Variants in ARHGEF18 observed in about 807,000 individuals in gnomAD.
The protein encoded by ARHGEF18 is rho guanine nucleotide exchange factor 18.
In ARHGEF18, 93 loss-of-function variants were observed where a neutral mutation model predicts 155.7. That is an observed-to-expected ratio of 0.60 (90% CI 0.50 to 0.71). The LOEUF (loss-of-function observed/expected upper bound fraction) is 0.71, where lower values mean the gene tolerates loss of function less well. Among genes scored for constraint, ARHGEF18 ranks in the 30% least tolerant of loss-of-function variants. The probability of loss-of-function intolerance (pLI) is 0.00; values close to 1 mark genes in which losing one functional copy is unlikely to be tolerated. For synonymous variants in ARHGEF18, 742 were observed against 753.1 expected, an observed-to-expected ratio of 0.99 and a Z score of 0.24; for missense variants, 1,593 against 1,816.1, an observed-to-expected ratio of 0.88 and a Z score of 2.23.
chr19:7,412,037 TTTTC>T (rs1413752880), intron 10 of ARHGEF18, among the ~76,000 whole-genome samples: 1 of 34,994 alleles, frequency 2.9e-5, no homozygotes, highest in Non-Finnish European at 8.2e-5. Context: ...TTTGTTTGGT[TTTTC>T]TTTTTTTTTT....
chr19:7,443,727 GA>G (rs35089192), intron 13 of ARHGEF18, among the ~76,000 whole-genome samples: 28,687 of 152,014 alleles, frequency 0.19, 3,021 homozygotes, highest in Non-Finnish European at 0.23. Flanking sequence ...GTGTTCCTCA[GA>G]ACACTCTTCT....
Position 7,447,320 on chromosome 19 carries a change from C to A in ARHGEF18, c.1737+152C>A, listed in dbSNP as rs373751362. ...CCTGGCCAACATGGTGAAACCCCGT[C>A]TCTATTAAAATACAAAAAATTAGCC... On this transcript the variant is annotated intron_variant, in intron 15 of 28. Transcript: ENST00000668164. 245 of 648,158 alleles carry A rather than the reference C, an allele frequency of 3.8e-4. 3 individuals are homozygous for A. Among genetic ancestry groups the A allele is most frequent in the East Asian group, 3.6e-3 (98 of 27,168 alleles). The allele number at this position is 648,158 out of a possible 1,614,324, so 40.2% of individuals were successfully genotyped here.
At chr19:7,382,329 A>G (rs1164282152) in intron 8 of ARHGEF18, among the ~76,000 whole-genome samples, 2 of 151,916 alleles carry the variant, frequency 1.3e-5, no homozygotes, top group African/African-American at 2.4e-5. Context: ...CTGGAGGCAG[A>G]GGCTGCAGTG....
intron 16 of ARHGEF18, 88 bp downstream of exon 16, chr19:7,451,354 C>G (rs1975452530): frequency 1.9e-6 from 2 of 1,073,734 alleles, no homozygotes; most frequent in Non-Finnish European, 2.7e-6. Flanking sequence ...GAGCAGCAAA[C>G]TGAATAAATT....
rs1404733609 is a variant in ARHGEF18 at position 7,470,918 on chromosome 19, C to T, written c.*620C>T. 5 of 400,952 alleles carry T rather than the reference C, an allele frequency of 1.2e-5. No individual in the cohort carries two copies. The highest frequency in any genetic ancestry group is 1.8e-5 in the Non-Finnish European group (4 of 226,176). The allele number at this position is 400,952 out of a possible 1,614,324, so 24.8% of individuals were successfully genotyped here. A position where few individuals can be genotyped will look rare whatever the true frequency, so the allele number is the denominator to read the frequency against. ...GGCATGGGCAGAGAGGGCCACGGGG[C>T]AGGGCCCACTGAGGGAACATCAGTG... On this transcript the variant is annotated 3_prime_UTR_variant, in exon 29 of 29. Coordinates refer to ENST00000668164, the MANE Select transcript of ARHGEF18 (RefSeq NM_001367823.1). The surrounding 1 kb of genome is among the most constrained non-coding windows in gnomAD (Gnocchi z 5.9).
At chr19:7,442,958 C>T (rs1974759523) in intron 13 of ARHGEF18, among the ~76,000 whole-genome samples, 1 of 151,978 alleles carries the variant, frequency 6.6e-6, no homozygotes, top group South Asian at 2.1e-4. Flanking sequence ...GATGCAGTCT[C>T]AGCTCCCTGC....
intron 19 of ARHGEF18, among the ~76,000 whole-genome samples, chr19:7,459,044 CTTTATTT>C (rs1235283065): frequency 6.6e-6 from 1 of 152,124 alleles, no homozygotes; most frequent in African/African-American, 2.4e-5. Context: ...CCCTCCCTCT[CTTTATTT>C]TTTATTTTTT....
chr19:7,356,271 C>CTT (rs111791378), intron 1 of ARHGEF18, among the ~76,000 whole-genome samples: 6 of 139,974 alleles, frequency 4.3e-5, no homozygotes, highest in Non-Finnish European at 7.8e-5. Flanking sequence ...GACACTTTTT[C>CTT]TTTTTTTTTT....
In ARHGEF18 at chr19:7,467,183, C is replaced by T. The variant is rs1395910399; in HGVS notation, c.3010-31C>T. On this transcript the variant is annotated intron_variant, in intron 25 of 28. Transcript: ENST00000668164. ...CTGGTTGGCTGGGGCGCAGGTGCGGCTCTCACTCGCCTGGCCCTGGCCCTC... is the reference window on the plus strand; with the variant it reads ...CTGGTTGGCTGGGGCGCAGGTGCGGTTCTCACTCGCCTGGCCCTGGCCCTC... 4 of 1,578,816 alleles carry T rather than the reference C, an allele frequency of 2.5e-6. No homozygotes were observed. The East Asian group carries it at 9.0e-5, about 36-fold the overall frequency.
At chr19:7,382,058 G>A (rs1970771680) in intron 8 of ARHGEF18, among the ~76,000 whole-genome samples, 1 of 152,138 alleles carries the variant, frequency 6.6e-6, no homozygotes, top group Non-Finnish European at 1.5e-5. Context: ...AGGAAACCAT[G>A]CCAGTGACCT....
chr19:7,465,951 G>A (rs2145903215), intron 23 of ARHGEF18, among the ~76,000 whole-genome samples: 1 of 152,138 alleles, frequency 6.6e-6, no homozygotes, highest in South Asian at 2.1e-4. Flanking sequence ...GGACGTGGTG[G>A]TGGATACCTG....
At chr19:7,370,964 G>A (rs1419751037) in intron 2 of ARHGEF18, among the ~76,000 whole-genome samples, 2 of 151,410 alleles carry the variant, frequency 1.3e-5, no homozygotes, top group South Asian at 2.1e-4. Context: ...AGGCTGGAGT[G>A]CGATAGCATG....
At chr19:7,360,537 A>G (rs1200139230) in intron 1 of ARHGEF18, among the ~76,000 whole-genome samples, 1 of 152,126 alleles carries the variant, frequency 6.6e-6, no homozygotes, top group Non-Finnish European at 1.5e-5. Flanking sequence ...GGCCCGGCCA[A>G]CCCTGGCCTT....
At chr19:7,455,836 G>A (rs1274646269) in intron 17 of ARHGEF18, among the ~76,000 whole-genome samples, 1 of 151,618 alleles carries the variant, frequency 6.6e-6, no homozygotes, top group Non-Finnish European at 1.5e-5. Flanking sequence ...AGCTTGTGCA[G>A]GGAAACTCCC....
chr19:7,364,766 G>A (rs745926061), intron 2 of ARHGEF18, among the ~76,000 whole-genome samples: 1 of 152,144 alleles, frequency 6.6e-6, no homozygotes, highest in Admixed American at 6.6e-5. Flanking sequence ...TCTAGGAGGT[G>A]CATCCTTAAG....
intron 23 of ARHGEF18, 92 bp from the exon 24 acceptor site, chr19:7,466,826 A>AAT: frequency 6.6e-6 from 7 of 1,057,198 alleles, no homozygotes; most frequent in South Asian, 2.9e-5. Context: ...AAAAAAAAAA[A>AAT]GTTAAAAAAA....
intron 10 of ARHGEF18, among the ~76,000 whole-genome samples, chr19:7,398,885 G>A (rs1412879387): frequency 6.6e-6 from 1 of 152,174 alleles, no homozygotes; most frequent in Non-Finnish European, 1.5e-5. Context: ...ATTGCCCTTT[G>A]TGGGCCAGGG....
chr19:7,362,000 A>C lies in ARHGEF18; in HGVS notation c.-110-781A>C, dbSNP rs866820949. On this transcript the variant is annotated intron_variant, in intron 1 of 28. Coordinates refer to ENST00000668164, the MANE Select transcript of ARHGEF18 (RefSeq NM_001367823.1). Reference sequence around the variant, plus strand: ...CAGAGCAAGACTCTGTGGAAGAAGAAGAAGAAGAAGAAGAAGGAGAAGGAG... The same window carrying C: ...CAGAGCAAGACTCTGTGGAAGAAGACGAAGAAGAAGAAGAAGGAGAAGGAG... 5.5e-3 allele frequency among the ~76,000 whole-genome samples: 267 copies of C among 48,710 alleles called. 47 individuals are homozygous for C. Among genetic ancestry groups the C allele is most frequent in the African/African-American group, 0.03 (248 of 8,158 alleles). The allele number at this position is 48,710 out of a possible 152,430, so 32.0% of individuals were successfully genotyped here.
At position 7,383,126 on chromosome 19, in the gene ARHGEF18, A is replaced by G. The variant is rs1172152545; in HGVS notation, c.890A>G (p.Asn297Ser). 12 of 1,232,286 alleles carry G rather than the reference A, an allele frequency of 9.7e-6. No homozygotes were observed. The highest frequency in any genetic ancestry group is 4.1e-5 in the South Asian group (1 of 24,322). The allele number at this position is 1,232,286 out of a possible 1,614,324, so 76.3% of individuals were successfully genotyped here. A position where few individuals can be genotyped will look rare whatever the true frequency, so the allele number is the denominator to read the frequency against. The part of the protein sequence containing the change: ...QDARERRECV[N>S]GHQLLQGTFS... ...GCACGAGAGAGGCGGGAGTGTGTCA[A>G]TGGGCACCAGCTGTTGCAAGGGACC... Residue 297 changes from asparagine to serine, a missense_variant, in exon 10 of 29, where the codon AAT (asparagine) becomes AGT (serine). Asn to Ser is a conservative substitution (Grantham distance 46, BLOSUM62 1). Coordinates refer to ENST00000668164, the MANE Select transcript of ARHGEF18 (RefSeq NM_001367823.1).
Sources: allele counts gnomAD v4.1 joint callset (sites outside exome capture counted in the v4.1 genomes callset), GRCh38; gene constraint gnomAD v4.1.1; non-coding constraint Gnocchi (gnomAD v3.1); transcripts MANE v1.5; gene names NCBI Gene and HGNC (gene_info 2026-07-23, HGNC 2026-07-21).